The following SKAP1 variants were observed in gnomAD, a reference collection of about 807,000 sequenced individuals.
The protein encoded by SKAP1 is src kinase-associated phosphoprotein 1.
Under a neutral mutation model 58.5 loss-of-function variants are expected in SKAP1, and 44 were observed. That is an observed-to-expected ratio of 0.75 (90% confidence interval 0.59 to 0.97). The LOEUF is 0.97. SKAP1 is among the 50% of genes least tolerant of loss of function. SKAP1 has a pLI of 0.00. For synonymous variants in SKAP1, 127 were observed against 149.7 expected (o/e 0.85, Z 1.11); for missense variants, 390 against 435.2 (o/e 0.90, Z 0.92).
intron 4 of SKAP1, among the ~76,000 whole-genome samples, chr17:48,228,289 C>T (rs2065091116): frequency 6.6e-6 from 1 of 152,140 alleles, no homozygotes; most frequent in Admixed American, 6.5e-5. Context: ...AATTTTTTCA[C>T]ACCGTGTATT....
chr17:48,216,148 A>G (rs991491729), intron 4 of SKAP1, among the ~76,000 whole-genome samples: 1 of 152,224 alleles, frequency 6.6e-6, no homozygotes, highest in East Asian at 1.9e-4. Context: ...GAAGCTTAGC[A>G]ACATGTCACA....
intron 12 of SKAP1, among the ~76,000 whole-genome samples, chr17:48,134,692 G>A (rs974368257): frequency 4.6e-5 from 7 of 151,960 alleles, no homozygotes; most frequent in African/African-American, 1.7e-4. Flanking sequence ...AGTGAAAAGG[G>A]TGAATTTGTT....
chr17:48,170,000 C>A (rs1190436535), intron 10 of SKAP1, among the ~76,000 whole-genome samples: 1 of 152,148 alleles, frequency 6.6e-6, no homozygotes, highest in Non-Finnish European at 1.5e-5. Flanking sequence ...TTCAGAGGGG[C>A]ATCTGACCTT....
At chr17:48,176,763 G>A (rs936721134) in intron 9 of SKAP1, among the ~76,000 whole-genome samples, 3 of 152,166 alleles carry the variant, frequency 2.0e-5, no homozygotes, top group African/African-American at 7.2e-5. Context: ...GTGATGGAGT[G>A]AGTTTAATGT....
chr17:48,188,564 G>C (rs957161361), intron 5 of SKAP1, among the ~76,000 whole-genome samples: 8 of 152,154 alleles, frequency 5.3e-5, no homozygotes, highest in African/African-American at 1.9e-4. Context: ...GTGTGCACCT[G>C]TTGTCTCAGC....
At chr17:48,395,647 A>T (rs1328390019) in intron 2 of SKAP1, among the ~76,000 whole-genome samples, 1 of 151,958 alleles carries the variant, frequency 6.6e-6, no homozygotes, top group Non-Finnish European at 1.5e-5. Flanking sequence ...TTTTCAAAAA[A>T]CTCCCATCTT....
At chr17:48,366,699 A>G (rs891508439) in intron 2 of SKAP1, among the ~76,000 whole-genome samples, 5 of 152,188 alleles carry the variant, frequency 3.3e-5, no homozygotes, top group African/African-American at 1.2e-4. Context: ...TAATCAAGCA[A>G]ATCATCAAAT....
chr17:48,319,697 C>A (rs982372695), intron 4 of SKAP1, among the ~76,000 whole-genome samples: 1 of 152,090 alleles, frequency 6.6e-6, no homozygotes, highest in Non-Finnish European at 1.5e-5. Flanking sequence ...CAAAAATTAG[C>A]TGGGTGTAGT....
At chr17:48,278,230 C>G (rs1161913179) in intron 4 of SKAP1, among the ~76,000 whole-genome samples, 1 of 152,178 alleles carries the variant, frequency 6.6e-6, no homozygotes. Context: ...AGGCATTGAG[C>G]TCATCCTGGG....
At chr17:48,435,473 G>A in the SKAP1 span, among the ~76,000 whole-genome samples, 1 of 152,306 alleles carries the variant, frequency 6.6e-6, no homozygotes, top group Admixed American at 6.5e-5. Flanking sequence ...TAATCTGCAT[G>A]AGAGCAGATG....
rs1173567578 is a variant in SKAP1, at chr17:48,165,400, TTTC to T, written c.878-2834_878-2832del. Among the ~76,000 whole-genome samples, 824 of 140,212 alleles carry T rather than the reference TTTC, an allele frequency of 5.9e-3. 5 individuals carry two copies. The highest frequency in any genetic ancestry group is 0.011 in the Middle Eastern group (3 of 282). The allele number at this position is 140,212 out of a possible 152,430, so 92.0% of individuals were successfully genotyped here. Reference sequence around the variant, plus strand: ...TTTCTTTTCTTTCTTTCTTTCTTTCTTTCTTTTTTTTTTTTTTGAGGCGAAGTT... The same window carrying T: ...TTTCTTTTCTTTCTTTCTTTCTTTCTTTTTTTTTTTTTTTGAGGCGAAGTT... On this transcript the variant is annotated intron_variant, in intron 10 of 12. Transcript: ENST00000336915.
chr17:48,158,735 C>T (rs1379363841), intron 11 of SKAP1, among the ~76,000 whole-genome samples: 1 of 151,648 alleles, frequency 6.6e-6, no homozygotes, highest in Non-Finnish European at 1.5e-5. Flanking sequence ...CCGAGGCGGG[C>T]GGATCACGAG....
intron 2 of SKAP1, among the ~76,000 whole-genome samples, chr17:48,379,074 GA>G (rs1366870198): frequency 6.6e-6 from 1 of 152,076 alleles, no homozygotes; most frequent in Non-Finnish European, 1.5e-5. Flanking sequence ...CAAAGTAAGG[GA>G]TGAAAAAGAA....
At chr17:48,297,738 C>A (rs2065998206) in intron 4 of SKAP1, among the ~76,000 whole-genome samples, 1 of 152,054 alleles carries the variant, frequency 6.6e-6, no homozygotes, top group Admixed American at 6.6e-5. Context: ...ATGTGTGGTT[C>A]TTATTTTATT....
chr17:48,338,136 CTTTCTTTCTT>C (rs1035560574), intron 4 of SKAP1, among the ~76,000 whole-genome samples: 1 of 137,856 alleles, frequency 7.3e-6, no homozygotes, highest in African/African-American at 2.7e-5. Context: ...TCCTTCTTTC[CTTTCTTTCTT>C]TTTCTTTCTT....
intron 9 of SKAP1, among the ~76,000 whole-genome samples, chr17:48,175,877 G>C (rs1567806424): frequency 6.6e-6 from 1 of 152,162 alleles, no homozygotes; most frequent in Non-Finnish European, 1.5e-5. Context: ...GGGCTCAGTG[G>C]GCATGGGAGT....
At chr17:48,175,987 T>C (rs1358546266) in intron 9 of SKAP1, among the ~76,000 whole-genome samples, 2 of 152,212 alleles carry the variant, frequency 1.3e-5, no homozygotes, top group Admixed American at 6.5e-5. Context: ...TGGTCTCTAT[T>C]TTGTTTCATT....
upstream of SKAP1, among the ~76,000 whole-genome samples, chr17:48,432,803 A>G (rs2067926463): frequency 6.6e-6 from 1 of 152,246 alleles, no homozygotes; most frequent in African/African-American, 2.4e-5. Context: ...TCACATACTA[A>G]TATAAGCTAC....
At chr17:48,172,508 C>T (rs954229012) in intron 9 of SKAP1, among the ~76,000 whole-genome samples, 10 of 152,156 alleles carry the variant, frequency 6.6e-5, no homozygotes, top group African/African-American at 1.7e-4. Context: ...AAAATACACT[C>T]GTTATTCTTT....
Sources: gnomAD v4.1 joint callset for allele counts (sites outside exome capture counted in the v4.1 genomes callset) on GRCh38, gnomAD v4.1.1 for gene constraint, MANE v1.5 for transcripts, NCBI Gene and HGNC (gene_info 2026-07-23, HGNC 2026-07-21) for gene names.